The following RBMS1 variants were observed in gnomAD, a reference collection of about 807,000 sequenced individuals.
RBMS1 encodes the protein RNA-binding motif, single-stranded-interacting protein 1.
In RBMS1, 17 loss-of-function variants were observed where a neutral mutation model predicts 62.3. That is an observed-to-expected ratio of 0.27 (90% CI 0.19 to 0.41). The LOEUF (loss-of-function observed/expected upper bound fraction) is 0.41, where lower values mean the gene tolerates loss of function less well. RBMS1 is among the 10% of genes least tolerant of loss of function. The probability of loss-of-function intolerance (pLI) is 1.00; values close to 1 mark genes in which losing one functional copy is unlikely to be tolerated. For missense variants in RBMS1, 334 were observed against 504.5 expected, an observed-to-expected ratio of 0.66 and a Z score of 3.24; for synonymous variants, 172 against 170.0, an observed-to-expected ratio of 1.01 and a Z score of -0.09.
intron 1 of RBMS1, among the ~76,000 whole-genome samples, chr2:160,380,711 C>T (rs1453892799): frequency 6.6e-6 from 1 of 152,148 alleles, no homozygotes; most frequent in Non-Finnish European, 1.5e-5. Flanking sequence ...CGGAACCAAG[C>T]ATGATAACTT....
intron 1 of RBMS1, among the ~76,000 whole-genome samples, chr2:160,401,399 G>C (rs985704430): frequency 6.6e-6 from 1 of 152,042 alleles, no homozygotes; most frequent in African/African-American, 2.4e-5. Context: ...TTTTAGTCCA[G>C]GATTTCATTT....
At chr2:160,477,584 C>T (rs912371594) in intron 1 of RBMS1, among the ~76,000 whole-genome samples, 1 of 151,674 alleles carries the variant, frequency 6.6e-6, no homozygotes, top group Non-Finnish European at 1.5e-5. Context: ...TTTTAATTTG[C>T]CTGCAGATTC....
chr2:160,443,079 A>G (rs1683477921), intron 1 of RBMS1, among the ~76,000 whole-genome samples: 1 of 151,912 alleles, frequency 6.6e-6, no homozygotes, highest in Non-Finnish European at 1.5e-5. Context: ...GGTGGCGGGC[A>G]CCTGTAATCC....
chr2:160,460,445 A>G (rs977008514), intron 1 of RBMS1, among the ~76,000 whole-genome samples: 17 of 152,226 alleles, frequency 1.1e-4, no homozygotes, highest in Admixed American at 4.6e-4. Context: ...AGATAAGGAC[A>G]CTGTGGTTCA....
rs1452358336 is a variant in RBMS1, at chr2:160,273,276, C to G, written c.*1496G>C. On this transcript the variant is annotated 3_prime_UTR_variant, in exon 14 of 14. Transcript: ENST00000348849. The stretch of plus-strand genomic sequence containing the variant: ...CACTGCTTGGATCCAAATCTTCCTT[C>G]ATGCTTTTTTGTTTGTGTGTGTCCA... 1 of 152,180 alleles carries G rather than the reference C, an allele frequency of 6.6e-6. No homozygotes were observed. The highest frequency in any genetic ancestry group is 1.5e-5 in the Non-Finnish European group (1 of 68,038). 9.4% of individuals were successfully genotyped at this position (152,180 alleles called of 1,614,324 possible).
chr2:160,286,483 C>A (rs1371076988), intron 7 of RBMS1, among the ~76,000 whole-genome samples: 1 of 151,916 alleles, frequency 6.6e-6, no homozygotes, highest in Admixed American at 6.6e-5. Context: ...CCACGCAGGG[C>A]TAATTTTTGT....
chr2:160,389,826 A>G (rs1694768399), intron 1 of RBMS1, among the ~76,000 whole-genome samples: 1 of 151,008 alleles, frequency 6.6e-6, no homozygotes, highest in Non-Finnish European at 1.5e-5. Flanking sequence ...CAATCCATCT[A>G]AGATGTGTCC....
chr2:160,311,224 C>CTATATATCTATATATATATA (rs1553505400), intron 4 of RBMS1, among the ~76,000 whole-genome samples: 1 of 56,634 alleles, frequency 1.8e-5, no homozygotes, highest in African/African-American at 6.2e-5. Context: ...ATCTATCTAT[C>CTATATATCTATATATATATA]TATCTATCTA....
At chr2:160,368,696 T>C (rs559075020) in intron 1 of RBMS1, among the ~76,000 whole-genome samples, 124 of 152,318 alleles carry the variant, frequency 8.1e-4, no homozygotes, top group Middle Eastern at 3.4e-3. Context: ...TGGAGTGCAG[T>C]GGTGCAATCT....
chr2:160,404,932 G>C (rs1274333189), intron 1 of RBMS1, among the ~76,000 whole-genome samples: 1 of 152,180 alleles, frequency 6.6e-6, no homozygotes, highest in Non-Finnish European at 1.5e-5. Flanking sequence ...GCAGGCAGCC[G>C]TAGTGTGGTG....
chr2:160,384,973 T>C (rs1196808709), intron 1 of RBMS1, among the ~76,000 whole-genome samples: 1 of 152,124 alleles, frequency 6.6e-6, no homozygotes, highest in Admixed American at 6.5e-5. Flanking sequence ...TGTTTAAAAG[T>C]GTGTGGCCTT....
At chr2:160,436,350 G>C (rs184383146) in intron 1 of RBMS1, among the ~76,000 whole-genome samples, 212 of 152,240 alleles carry the variant, frequency 1.4e-3, no homozygotes, top group African/African-American at 4.6e-3. Flanking sequence ...CGTGTAGAGA[G>C]AGAAATGCTA....
At chr2:160,449,142 C>T (rs1410392788) in intron 1 of RBMS1, among the ~76,000 whole-genome samples, 5 of 151,642 alleles carry the variant, frequency 3.3e-5, no homozygotes, top group Non-Finnish European at 5.9e-5. Context: ...GCCCGGCAGC[C>T]GCCCCCACTG....
intron 1 of RBMS1, among the ~76,000 whole-genome samples, chr2:160,414,802 G>C (rs1424403883): frequency 1.3e-5 from 2 of 149,928 alleles, no homozygotes; most frequent in Admixed American, 1.3e-4. Flanking sequence ...AGCCGAGATT[G>C]CACCACTGCA....
intron 2 of RBMS1, among the ~76,000 whole-genome samples, chr2:160,338,236 T>C (rs1691683872): frequency 6.6e-6 from 1 of 152,200 alleles, no homozygotes; most frequent in African/African-American, 2.4e-5. Context: ...ATTAAAAATT[T>C]AAAGCCTAGG....
intron 3 of RBMS1, among the ~76,000 whole-genome samples, chr2:160,315,724 A>C (rs922713323): frequency 6.6e-6 from 1 of 152,160 alleles, no homozygotes; most frequent in African/African-American, 2.4e-5. Context: ...TTTCATAACC[A>C]ATCTTTTGTG....
chr2:160,482,563 A>G (rs375039296), intron 1 of RBMS1, among the ~76,000 whole-genome samples: 69 of 152,340 alleles, frequency 4.5e-4, no homozygotes, highest in African/African-American at 1.6e-3. Flanking sequence ...TTCCATTTGT[A>G]TCAACTTAAC....
At chr2:160,400,652 C>T (rs997602875) in intron 1 of RBMS1, among the ~76,000 whole-genome samples, 3 of 152,102 alleles carry the variant, frequency 2.0e-5, no homozygotes, top group South Asian at 4.1e-4. Context: ...TATATAGCTA[C>T]GTTTCCCCCT....
intron 1 of RBMS1, among the ~76,000 whole-genome samples, chr2:160,491,825 A>T (rs1426697466): frequency 6.6e-6 from 1 of 152,104 alleles, no homozygotes; most frequent in Non-Finnish European, 1.5e-5. Context: ...ATCTCCTGCA[A>T]GTTCCTAAAA....
Sources: gnomAD v4.1 joint callset for allele counts (sites outside exome capture counted in the v4.1 genomes callset) on GRCh38, gnomAD v4.1.1 for gene constraint, MANE v1.5 for transcripts, NCBI Gene and HGNC (gene_info 2026-07-23, HGNC 2026-07-21) for gene names.